The following SLC6A6 variants were observed in gnomAD, a reference collection of about 807,000 sequenced individuals.
SLC6A6 encodes solute carrier family 6 member 6.
Under a neutral mutation model 68.8 loss-of-function variants are expected in SLC6A6, and 16 were observed. That is an observed-to-expected ratio of 0.23 (90% CI 0.16 to 0.35). The LOEUF (loss-of-function observed/expected upper bound fraction) is 0.35, where lower values mean the gene tolerates loss of function less well. Ranked by LOEUF, SLC6A6 falls within the 10% of genes least tolerant of loss-of-function variation. The probability of loss-of-function intolerance (pLI) is 1.00; values close to 1 mark genes in which losing one functional copy is unlikely to be tolerated. For synonymous variants in SLC6A6, 312 were observed against 315.4 expected, an observed-to-expected ratio of 0.99 and a Z score of 0.12; for missense variants, 474 against 802.8, an observed-to-expected ratio of 0.59 and a Z score of 4.95.
At chr3:14,442,492 G>A (rs1422608624) in intron 2 of SLC6A6, among the ~76,000 whole-genome samples, 1 of 152,206 alleles carries the variant, frequency 6.6e-6, no homozygotes, top group African/African-American at 2.4e-5. Flanking sequence ...GTTTCCTCAC[G>A]CTGTGGGCTA....
intron 1 of SLC6A6, among the ~76,000 whole-genome samples, chr3:14,410,091 C>T (rs1699211076): frequency 6.8e-6 from 1 of 147,472 alleles, no homozygotes. Context: ...GAGGCTGAGG[C>T]AGGAGAATCA....
intron 10 of SLC6A6, among the ~76,000 whole-genome samples, chr3:14,473,207 A>G (rs1700793780): frequency 6.6e-6 from 1 of 152,136 alleles, no homozygotes. Context: ...TGTATTTTTG[A>G]CAGGGTCTTG....
Position 14,477,084 on chromosome 3 carries a change from G to A in SLC6A6, c.1210-121G>A, listed in dbSNP as rs997113366. On this transcript the variant is annotated intron_variant, in intron 10 of 14. Coordinates refer to ENST00000622186, the MANE Select transcript of SLC6A6 (RefSeq NM_003043.6). This position sits in a 1 kb window ranked among gnomAD's most constrained non-coding sequence, Gnocchi z 4.2. ...GGACTTGATCTCACAGGCCAATTCT[G>A]GACACAAGGATGGTCACGTCTGCTC... is the stretch of plus-strand genomic sequence containing the variant. The A allele has an allele frequency of 2.2e-6, 2 of 925,702 alleles. No homozygotes were observed. The highest frequency in any genetic ancestry group is 2.5e-5 in the East Asian group (1 of 40,694). 57.3% of individuals were successfully genotyped at this position (925,702 alleles called of 1,614,324 possible). A position where few individuals can be genotyped will look rare whatever the true frequency, so the allele number is the denominator to read the frequency against.
intron 1 of SLC6A6, among the ~76,000 whole-genome samples, chr3:14,407,636 T>G (rs1467497323): frequency 1.3e-5 from 2 of 152,132 alleles, no homozygotes; most frequent in Non-Finnish European, 2.9e-5. Flanking sequence ...CCCAAGTAGC[T>G]GGGACTACAG....
chr3:14,465,263 A>G (rs1489798881), intron 6 of SLC6A6, among the ~76,000 whole-genome samples: 5 of 152,210 alleles, frequency 3.3e-5, no homozygotes, highest in African/African-American at 1.2e-4. Context: ...ACAAGAGGAG[A>G]GAAGGTCTTT....
intron 2 of SLC6A6, among the ~76,000 whole-genome samples, chr3:14,416,760 C>G (rs559423474): frequency 9.1e-4 from 139 of 152,390 alleles, no homozygotes; most frequent in African/African-American, 2.6e-3. Context: ...TGCAGAGTAG[C>G]CTGGGGCAAG....
chr3:14,445,634 CATTGGCTGGGAGGGCTTGG>C, intron 3 of SLC6A6, 64 bp from the exon 4 acceptor site: 1 of 1,480,336 alleles, frequency 6.8e-7, no homozygotes, highest in South Asian at 1.1e-5. Context: ...TCTCTGGTTC[CATTGGCTGGGAGGGCTTGG>C]GAGCCTTCTG....
At chr3:14,460,254 C>T (rs1053070241) in intron 6 of SLC6A6, among the ~76,000 whole-genome samples, 2 of 151,960 alleles carry the variant, frequency 1.3e-5, no homozygotes, top group Non-Finnish European at 1.5e-5. Flanking sequence ...TTCCTGTGCT[C>T]CAGGAGCTGA....
intron 5 of SLC6A6, among the ~76,000 whole-genome samples, chr3:14,456,412 A>C (rs1273077163): frequency 6.6e-6 from 1 of 152,086 alleles, no homozygotes; most frequent in Non-Finnish European, 1.5e-5. Flanking sequence ...TCACTCATTC[A>C]CTCAACAGGT....
intron 1 of SLC6A6, among the ~76,000 whole-genome samples, chr3:14,404,325 G>A (rs1206105922): frequency 6.6e-6 from 1 of 152,066 alleles, no homozygotes; most frequent in Non-Finnish European, 1.5e-5. Flanking sequence ...AGGGATTGTG[G>A]GGTGGGCATG....
At chr3:14,443,930 AC>A in intron 3 of SLC6A6, 67 bp downstream of exon 3, 1 of 1,151,312 alleles carries the variant, frequency 8.7e-7, no homozygotes, top group Non-Finnish European at 1.3e-6. Context: ...GGAGGCTGGG[AC>A]CAGAGCGTGG....
intron 2 of SLC6A6, among the ~76,000 whole-genome samples, chr3:14,441,419 C>A (rs369328268): frequency 2.0e-5 from 3 of 152,112 alleles, no homozygotes; most frequent in African/African-American, 7.2e-5. Context: ...ATTGGCCTGT[C>A]GAATCCCGCG....
intron 7 of SLC6A6, among the ~76,000 whole-genome samples, chr3:14,466,987 C>T (rs1006387885): frequency 1.3e-5 from 2 of 152,228 alleles, no homozygotes; most frequent in South Asian, 2.1e-4. Flanking sequence ...CCCACTGCAG[C>T]CACAAGGGCT....
At chr3:14,425,791 A>G (rs1699582930) in intron 2 of SLC6A6, among the ~76,000 whole-genome samples, 1 of 152,150 alleles carries the variant, frequency 6.6e-6, no homozygotes, top group Non-Finnish European at 1.5e-5. Flanking sequence ...CCTTCCCCTC[A>G]TCAGTTTCAT....
chr3:14,478,579 A>G lies in SLC6A6; in HGVS notation c.1450+11A>G. Reference sequence around the variant, plus strand: ...TTGCCTGGATATATGGTGAGTACAGATTTTTTCATGTCCTTTCTCAAGGCT... The same window carrying G: ...TTGCCTGGATATATGGTGAGTACAGGTTTTTTCATGTCCTTTCTCAAGGCT... On this transcript the variant is annotated intron_variant, in intron 12 of 14. Coordinates refer to ENST00000622186, the MANE Select transcript of SLC6A6 (RefSeq NM_003043.6). 2 of 1,514,210 alleles carry G rather than the reference A, an allele frequency of 1.3e-6. No homozygotes were observed. The highest frequency in any genetic ancestry group is 1.8e-6 in the Non-Finnish European group (2 of 1,089,360). 93.8% of individuals were successfully genotyped at this position (1,514,210 alleles called of 1,614,324 possible). A position where few individuals can be genotyped will look rare whatever the true frequency, so the allele number is the denominator to read the frequency against.
intron 1 of SLC6A6, among the ~76,000 whole-genome samples, chr3:14,412,275 G>T (rs1432841901): frequency 6.6e-6 from 1 of 152,230 alleles, no homozygotes; most frequent in African/African-American, 2.4e-5. Context: ...ACTCTGAGCA[G>T]AGCTGTAGCA....
chr3:14,421,951 C>T (rs530591926), intron 2 of SLC6A6, among the ~76,000 whole-genome samples: 178 of 152,252 alleles, frequency 1.2e-3, no homozygotes, highest in African/African-American at 4.1e-3. Context: ...TGCATCTTCT[C>T]GTCTCGGCTC....
At chr3:14,484,842 C>G (rs1038183660) in intron 14 of SLC6A6, 25 bp from the exon 15 acceptor site, 23 of 1,608,458 alleles carry the variant, frequency 1.4e-5, no homozygotes, top group Non-Finnish European at 1.8e-5. Context: ...ACGTTTCCCC[C>G]CTCACTCCTG....
intron 1 of SLC6A6, among the ~76,000 whole-genome samples, chr3:14,404,617 G>A (rs1699064772): frequency 6.6e-6 from 1 of 152,234 alleles, no homozygotes; most frequent in Admixed American, 6.5e-5. Flanking sequence ...TTTAATGGGT[G>A]GGTGACCTTG....
Sources: gnomAD v4.1 joint callset for allele counts (sites outside exome capture counted in the v4.1 genomes callset) on GRCh38, gnomAD v4.1.1 for gene constraint, Gnocchi (gnomAD v3.1) non-coding constraint, MANE v1.5 for transcripts, NCBI Gene and HGNC (gene_info 2026-07-23, HGNC 2026-07-21) for gene names.